PDE4D: variants seen among roughly 807,000 people sequenced by gnomAD.
PDE4D encodes phosphodiesterase 4D, also known as 3',5'-cyclic-AMP phosphodiesterase 4D.
PDE4D carries 24 observed loss-of-function variants against 87.4 expected under a neutral mutation model. The ratio of observed to expected loss-of-function variants is 0.27; its 90% CI spans 0.20 to 0.39. The LOEUF (loss-of-function observed/expected upper bound fraction) is 0.39, where lower values mean the gene tolerates loss of function less well. Among genes scored for constraint, PDE4D ranks in the 10% least tolerant of loss-of-function variants. The pLI, the probability that PDE4D is intolerant of heterozygous loss-of-function variation, is 1.00. For missense variants in PDE4D, 714 were observed against 1,041.0 expected, an observed-to-expected ratio of 0.69 and a Z score of 4.32; for synonymous variants, 384 against 383.2, an observed-to-expected ratio of 1.00 and a Z score of -0.02.
At chr5:59,231,745 C>T (rs191978863) in intron 1 of PDE4D, among the ~76,000 whole-genome samples, 5 of 152,308 alleles carry the variant, frequency 3.3e-5, no homozygotes, top group Non-Finnish European at 7.4e-5. Flanking sequence ...CCAAGTGAAA[C>T]CATCTATGTC....
chr5:60,080,016 T>C (rs1462396111), intron 2 of PDE4D, among the ~76,000 whole-genome samples: 1 of 152,206 alleles, frequency 6.6e-6, no homozygotes, highest in East Asian at 1.9e-4. Flanking sequence ...GAGGATGAAA[T>C]GTTTTTCCAT....
At chr5:59,322,578 C>G (rs545046072) in intron 1 of PDE4D, among the ~76,000 whole-genome samples, 46 of 152,066 alleles carry the variant, frequency 3.0e-4, no homozygotes, top group African/African-American at 1.1e-3. Flanking sequence ...GGGTCAAATC[C>G]AATGCTATCT....
chr5:60,509,136 G>A (rs911634024), intron 1 of PDE4D, among the ~76,000 whole-genome samples: 2 of 152,106 alleles, frequency 1.3e-5, no homozygotes, highest in Non-Finnish European at 2.9e-5. Flanking sequence ...CAGGGCACCT[G>A]GCCAGATTTC....
intron 1 of PDE4D, chr5:59,356,677 A>G: frequency 1.8e-6 from 2 of 1,127,724 alleles, no homozygotes; most frequent in Middle Eastern, 2.0e-4. Flanking sequence ...TTAGAAGGTC[A>G]ACATAGGGCA....
At chr5:59,800,732 C>T (rs531127428) in intron 1 of PDE4D, among the ~76,000 whole-genome samples, 1 of 152,196 alleles carries the variant, frequency 6.6e-6, no homozygotes, top group East Asian at 1.9e-4. Flanking sequence ...TGTGTGGTGC[C>T]TTTGTTCCAC....
chr5:59,615,406 G>GC (rs1315226353), intron 1 of PDE4D, among the ~76,000 whole-genome samples: 2 of 152,110 alleles, frequency 1.3e-5, no homozygotes, highest in Non-Finnish European at 1.5e-5. Context: ...ATCTCCCTAT[G>GC]CCATTTTGAT....
chr5:60,083,499 C>A (rs1508863), intron 2 of PDE4D, among the ~76,000 whole-genome samples: 21,068 of 152,176 alleles, frequency 0.14, 1,505 homozygotes, highest in Middle Eastern at 0.22. Flanking sequence ...AAACTTGGCA[C>A]AATAAATTTG....
At chr5:59,244,641 CAT>C (rs985229806) in intron 1 of PDE4D, among the ~76,000 whole-genome samples, 6 of 127,710 alleles carry the variant, frequency 4.7e-5, no homozygotes, top group Non-Finnish European at 6.5e-5. Context: ...TACATATATA[CAT>C]ATATATGTAT....
At chr5:59,183,423 C>A (rs1249678397) in intron 4 of PDE4D, among the ~76,000 whole-genome samples, 3 of 152,270 alleles carry the variant, frequency 2.0e-5, no homozygotes, top group Non-Finnish European at 2.9e-5. Context: ...TAGAAACAGG[C>A]CTCAGATCGT....
At chr5:59,232,907 T>C in intron 1 of PDE4D, among the ~76,000 whole-genome samples, 1 of 151,910 alleles carries the variant, frequency 6.6e-6, no homozygotes, top group East Asian at 1.9e-4. Flanking sequence ...CAACATGAAT[T>C]GACCTGAATG....
At chr5:59,827,076 T>C (rs899706207) in intron 1 of PDE4D, among the ~76,000 whole-genome samples, 1 of 152,076 alleles carries the variant, frequency 6.6e-6, no homozygotes, top group Admixed American at 6.6e-5. Flanking sequence ...ATTATCTGAC[T>C]TGAACTTTGA....
At chr5:59,804,920 T>C (rs568979248) in intron 1 of PDE4D, among the ~76,000 whole-genome samples, 187 of 152,272 alleles carry the variant, frequency 1.2e-3, no homozygotes, top group African/African-American at 4.4e-3. Flanking sequence ...GCTTCCCAAG[T>C]AGCTGGGACT....
At chr5:59,802,541 G>A (rs1369335477) in intron 1 of PDE4D, among the ~76,000 whole-genome samples, 1 of 151,648 alleles carries the variant, frequency 6.6e-6, no homozygotes, top group Admixed American at 6.6e-5. Flanking sequence ...TGGGATTACA[G>A]GTGCAAACCA....
At chr5:58,993,054 A>G (rs893739093) in intron 7 of PDE4D, among the ~76,000 whole-genome samples, 4 of 152,168 alleles carry the variant, frequency 2.6e-5, no homozygotes, top group Non-Finnish European at 5.9e-5. Context: ...CTGGCATTTA[A>G]TAAGAATTTG....
At chr5:60,403,512 A>G (rs1741265554) in intron 1 of PDE4D, among the ~76,000 whole-genome samples, 1 of 152,236 alleles carries the variant, frequency 6.6e-6, no homozygotes, top group Non-Finnish European at 1.5e-5. Flanking sequence ...GGGACAGAAA[A>G]GATGACCTCT....
intron 1 of PDE4D, among the ~76,000 whole-genome samples, chr5:59,407,856 C>A (rs1185529191): frequency 6.6e-6 from 1 of 152,168 alleles, no homozygotes; most frequent in African/African-American, 2.4e-5. Context: ...TGTGACCTGG[C>A]TGCTTCTAAT....
intron 1 of PDE4D, among the ~76,000 whole-genome samples, chr5:60,447,439 T>A (rs1351272766): frequency 6.6e-6 from 1 of 152,116 alleles, no homozygotes; most frequent in Non-Finnish European, 1.5e-5. Flanking sequence ...GCTAATTCCT[T>A]TGCTTCTCCC....
At chr5:60,514,953 G>T (rs1327656205) in intron 1 of PDE4D, among the ~76,000 whole-genome samples, 1 of 152,118 alleles carries the variant, frequency 6.6e-6, no homozygotes, top group Non-Finnish European at 1.5e-5. Context: ...TATAGCTGAA[G>T]TGTTTCCATT....
At chr5:59,665,866 G>A (rs1002005452) in intron 1 of PDE4D, among the ~76,000 whole-genome samples, 4 of 152,124 alleles carry the variant, frequency 2.6e-5, no homozygotes, top group Admixed American at 1.3e-4. Context: ...CAGAAACCTG[G>A]CCCTCACCAG....
Sources: gnomAD v4.1 joint callset for allele counts (sites outside exome capture counted in the v4.1 genomes callset) on GRCh38, gnomAD v4.1.1 for gene constraint, MANE v1.5 for transcripts, NCBI Gene and HGNC (gene_info 2026-07-23, HGNC 2026-07-21) for gene names.